The following ELMO1 variants were observed in gnomAD, a reference collection of about 807,000 sequenced individuals.
The protein encoded by ELMO1 is engulfment and cell motility protein 1.
A neutral mutation model predicts 98.9 loss-of-function variants in ELMO1; 26 were observed. The ratio of observed to expected loss-of-function variants is 0.26; its 90% CI spans 0.19 to 0.36. The LOEUF (loss-of-function observed/expected upper bound fraction) is 0.36, where lower values mean the gene tolerates loss of function less well. Among genes scored for constraint, ELMO1 ranks in the 10% least tolerant of loss-of-function variants. The pLI, the probability that ELMO1 is intolerant of heterozygous loss-of-function variation, is 1.00. For synonymous variants in ELMO1, 346 were observed against 346.0 expected (o/e 1.00, Z 0.00); for missense variants, 627 against 935.2 (o/e 0.67, Z 4.30).
chr7:36,932,070 CTTCATTCATTCA>C (rs113584410), intron 16 of ELMO1, among the ~76,000 whole-genome samples: 2 of 151,574 alleles, frequency 1.3e-5, no homozygotes, highest in African/African-American at 4.9e-5. Flanking sequence ...GGAGAGTTAA[CTTCATTCATTCA>C]TTCATTCATT....
chr7:37,276,390 C>T (rs922933381), intron 4 of ELMO1, among the ~76,000 whole-genome samples: 4 of 152,106 alleles, frequency 2.6e-5, no homozygotes, highest in Non-Finnish European at 5.9e-5. Flanking sequence ...AGGCAGATCA[C>T]GAGGTCAGGA....
Position 37,413,320 on chromosome 7 carries a change from G to A in ELMO1, c.-74+35355C>T, listed in dbSNP as rs116200225. 3.5e-3 allele frequency among the ~76,000 whole-genome samples: 534 copies of A among 151,952 alleles called. 2 individuals are homozygous for A. The highest frequency in any genetic ancestry group is 0.012 in the African/African-American group (507 of 41,408). On this transcript the variant is annotated intron_variant, in intron 1 of 21. Coordinates refer to ENST00000310758, the MANE Select transcript of ELMO1 (RefSeq NM_014800.11). Reference sequence around the variant, plus strand: ...TTTTCCAAGCCTAGCTTTCCTCTTCGTCCTTTGTATTGTGGTTATTTGTGT... The same window carrying A: ...TTTTCCAAGCCTAGCTTTCCTCTTCATCCTTTGTATTGTGGTTATTTGTGT...
At position 37,191,045 on chromosome 7, in the gene ELMO1, C is replaced by T. The variant is rs559535967; in HGVS notation, c.1086+20341G>A. ...TCTACTAAAAATACAAAAAATTAGC[C>T]GGGTGTGGTGGTGGGCGCCTGTGGT... On this transcript the variant is annotated intron_variant, in intron 13 of 21. Coordinates refer to ENST00000310758, the MANE Select transcript of ELMO1 (RefSeq NM_014800.11). Among the ~76,000 whole-genome samples, 178 of 151,232 alleles carry T rather than the reference C, an allele frequency of 1.2e-3. 2 individuals carry two copies. In the South Asian group the frequency reaches 0.02, roughly 17 times the overall value.
chr7:37,281,580 G>A (rs889023338), intron 4 of ELMO1, among the ~76,000 whole-genome samples: 13 of 152,184 alleles, frequency 8.5e-5, no homozygotes, highest in African/African-American at 3.1e-4. Flanking sequence ...CACCATGGGT[G>A]AGTGTTAGAA....
At chr7:37,268,851 CATCA>C (rs1440409151) in intron 5 of ELMO1, among the ~76,000 whole-genome samples, 1 of 152,234 alleles carries the variant, frequency 6.6e-6, no homozygotes, top group African/African-American at 2.4e-5. Flanking sequence ...AAAACAAATT[CATCA>C]ATCAACAAAA....
intron 18 of ELMO1, among the ~76,000 whole-genome samples, chr7:36,882,799 G>C (rs1008614): frequency 0.14 from 21,983 of 152,230 alleles, 1,865 homozygotes; most frequent in Middle Eastern, 0.24. Context: ...CATATTTGTA[G>C]TTTCCTGCTC....
intron 13 of ELMO1, among the ~76,000 whole-genome samples, chr7:37,165,338 T>G (rs1789590873): frequency 6.6e-6 from 1 of 151,122 alleles, no homozygotes; most frequent in African/African-American, 2.4e-5. Flanking sequence ...TTCCTTCTCC[T>G]GCCTGATTGC....
At chr7:37,060,904 G>A (rs1796634841) in intron 15 of ELMO1, among the ~76,000 whole-genome samples, 1 of 152,148 alleles carries the variant, frequency 6.6e-6, no homozygotes, top group Non-Finnish European at 1.5e-5. Flanking sequence ...GGAGGACAGA[G>A]ACACAGAAGG....
chr7:36,977,045 C>T (rs1790613403), intron 16 of ELMO1, among the ~76,000 whole-genome samples: 1 of 152,184 alleles, frequency 6.6e-6, no homozygotes, highest in South Asian at 2.1e-4. Flanking sequence ...CTCTTTGTGT[C>T]TGTTTCCTTA....
intron 7 of ELMO1, among the ~76,000 whole-genome samples, chr7:37,234,677 GGAT>G (rs10673256): frequency 9.2e-5 from 14 of 151,698 alleles, no homozygotes; most frequent in Non-Finnish European, 1.9e-4. Flanking sequence ...TTAAAAATGG[GGAT>G]GATGATGATG....
chr7:37,121,883 GA>G (rs1333849768), intron 14 of ELMO1, among the ~76,000 whole-genome samples: 3 of 152,184 alleles, frequency 2.0e-5, no homozygotes, highest in Non-Finnish European at 4.4e-5. Flanking sequence ...GGCAGCCAGA[GA>G]GAAAGGACGG....
At chr7:37,154,027 G>C (rs1298428857) in intron 13 of ELMO1, among the ~76,000 whole-genome samples, 1 of 152,160 alleles carries the variant, frequency 6.6e-6, no homozygotes, top group Admixed American at 6.5e-5. Flanking sequence ...AAAGGGTCTG[G>C]AGTGGACCTC....
At chr7:37,293,721 A>ATAAT (rs1483030810) in intron 4 of ELMO1, among the ~76,000 whole-genome samples, 1 of 73,334 alleles carries the variant, frequency 1.4e-5, no homozygotes, top group African/African-American at 3.8e-5. Context: ...TCAATAAAAA[A>ATAAT]AAAAATAATA....
chr7:36,860,274 T>C (rs6980368), intron 21 of ELMO1, among the ~76,000 whole-genome samples: 31,330 of 152,120 alleles, frequency 0.21, 3,389 homozygotes, highest in Middle Eastern at 0.32. Context: ...ATAACCCCCA[T>C]GCTATTCAAG....
intron 15 of ELMO1, among the ~76,000 whole-genome samples, chr7:37,064,888 G>A (rs911760023): frequency 6.6e-6 from 1 of 152,078 alleles, no homozygotes; most frequent in African/African-American, 2.4e-5. Context: ...CTTTTGGTGG[G>A]GATGGTAAGG....
intron 1 of ELMO1, among the ~76,000 whole-genome samples, chr7:37,433,501 T>C (rs545902127): frequency 2.0e-5 from 3 of 152,160 alleles, no homozygotes; most frequent in African/African-American, 7.2e-5. Context: ...CAGAGGCCTC[T>C]ATCTCCCAGC....
At chr7:37,119,240 C>T (rs1242212986) in intron 14 of ELMO1, among the ~76,000 whole-genome samples, 1 of 151,952 alleles carries the variant, frequency 6.6e-6, no homozygotes, top group African/African-American at 2.4e-5. Context: ...TTGAGGTGGG[C>T]CTTGAGGAGA....
chr7:36,863,451 A>G (rs1001747836), intron 20 of ELMO1, among the ~76,000 whole-genome samples: 50 of 152,224 alleles, frequency 3.3e-4, no homozygotes, highest in African/African-American at 9.4e-4. Context: ...TTTAAAAAAA[A>G]ATCAATATGA....
chr7:36,934,077 A>C (rs1261122057), intron 16 of ELMO1, among the ~76,000 whole-genome samples: 2 of 152,104 alleles, frequency 1.3e-5, no homozygotes, highest in Non-Finnish European at 2.9e-5. Flanking sequence ...TCTGGGAATG[A>C]AGCCAAGAGG....
Sources: gnomAD v4.1 joint callset for allele counts (sites outside exome capture counted in the v4.1 genomes callset) on GRCh38, gnomAD v4.1.1 for gene constraint, MANE v1.5 for transcripts, NCBI Gene and HGNC (gene_info 2026-07-23, HGNC 2026-07-21) for gene names.